Variants in FCRL2 observed in about 807,000 individuals in gnomAD.
The protein encoded by FCRL2 is Fc receptor-like protein 2.
Under a neutral mutation model 59.8 loss-of-function variants are expected in FCRL2, and 48 were observed. That is an observed-to-expected ratio of 0.80 (90% CI 0.64 to 1.02). FCRL2 has a LOEUF of 1.02. Among genes scored for constraint, FCRL2 ranks in the 50% least tolerant of loss-of-function variants. FCRL2 has a pLI of 0.00. For missense variants in FCRL2, 658 were observed against 597.3 expected, an observed-to-expected ratio of 1.10 and a Z score of -1.06; for synonymous variants, 251 against 229.5, an observed-to-expected ratio of 1.09 and a Z score of -0.85.
chr1:157,776,959 G>A (rs1571305940), intron 1 of FCRL2, 84 bp downstream of exon 1: 3 of 1,331,142 alleles, frequency 2.3e-6, no homozygotes, highest in East Asian at 2.3e-5. Context: ...CAGTCCCTGG[G>A]CTCCAATAAA....
intron 10 of FCRL2, 80 bp downstream of exon 10, chr1:157,748,473 T>TAAAC (rs1233678340): frequency 1.5e-6 from 1 of 659,962 alleles, no homozygotes; most frequent in East Asian, 3.3e-5. Context: ...AATAAATAAA[T>TAAAC]AAATAAAGCC....
At chr1:157,774,869 T>C (rs1650290407) in intron 2 of FCRL2, among the ~76,000 whole-genome samples, 1 of 152,188 alleles carries the variant, frequency 6.6e-6, no homozygotes, top group Non-Finnish European at 1.5e-5. Context: ...AAAGAGCCCC[T>C]TCCACTTGGT....
chr1:157,767,548 T>C (rs766857493), intron 5 of FCRL2, 39 bp from the exon 6 acceptor site: 1 of 1,614,272 alleles, frequency 6.2e-7, no homozygotes, highest in East Asian at 2.2e-5. Flanking sequence ...AGATTTGTGA[T>C]GCCTCAATAG....
At chr1:157,749,017 G>A (rs1647981246) in intron 8 of FCRL2, 57 bp from the exon 9 acceptor site, 13 of 1,464,338 alleles carry the variant, frequency 8.9e-6, no homozygotes, top group South Asian at 2.3e-5. Context: ...TGAGAACAGA[G>A]GGGAGACTGG....
At chr1:157,753,221 A>C (rs569245576) in intron 7 of FCRL2, among the ~76,000 whole-genome samples, 4 of 152,158 alleles carry the variant, frequency 2.6e-5, no homozygotes, top group Non-Finnish European at 5.9e-5. Flanking sequence ...ATTACAATTA[A>C]ACTCAGTCCT....
In FCRL2 at chr1:157,770,188, CA is replaced by C. The variant is rs1189899610; in HGVS notation, c.311-39del. ...ATCACAATAGTCCCCAAAGCAGTGACAGCTAAGATTCCTGCTGAAAAGCCTC... is the reference window on the plus strand; with the variant it reads ...ATCACAATAGTCCCCAAAGCAGTGACGCTAAGATTCCTGCTGAAAAGCCTC... On this transcript the variant is annotated intron_variant, in intron 3 of 11. Coordinates refer to ENST00000361516, the MANE Select transcript of FCRL2 (RefSeq NM_030764.4). 1.9e-6 allele frequency: 3 copies of C among 1,597,146 alleles called. No homozygotes were observed. In the African/African-American group the frequency reaches 4.0e-5, roughly 21 times the overall value.
At chr1:157,760,668 A>G (rs1344108995) in intron 7 of FCRL2, among the ~76,000 whole-genome samples, 1 of 139,698 alleles carries the variant, frequency 7.2e-6, no homozygotes, top group Non-Finnish European at 1.5e-5. Context: ...GGAAGGAAGG[A>G]AGGAAGGAAG....
chr1:157,762,656 TA>T (rs1649189237), intron 7 of FCRL2, among the ~76,000 whole-genome samples: 1 of 152,010 alleles, frequency 6.6e-6, no homozygotes, highest in Admixed American at 6.6e-5. Context: ...TAAAACAGTC[TA>T]AAGTCAAATA....
In FCRL2 at chr1:157,777,044, A is replaced by G. The variant is rs1650466584; in HGVS notation, c.30T>C (p.Phe10=). The change falls in exon 1 of 12, where the codon TTT becomes TTC. Residue 10 remains phenylalanine, a splice_region_variant and synonymous_variant. Coordinates refer to ENST00000361516, the MANE Select transcript of FCRL2 (RefSeq NM_030764.4). The stretch of plus-strand genomic sequence containing the variant: ...TCTCAGTCAAATTATTGAACTCACC[A>G]AAGATGACCAGCAATGACCACAGCA... MLLWSLLVI[F]DAVTEQADSL... The G allele has an allele frequency of 1.2e-6, 2 of 1,613,898 alleles. No homozygotes were observed. Among genetic ancestry groups the G allele is most frequent in the Non-Finnish European group, 8.5e-7 (1 of 1,179,876 alleles).
chr1:157,775,752 C>A (rs373763193), intron 2 of FCRL2, 23 bp downstream of exon 2: 109 of 1,613,762 alleles, frequency 6.8e-5, no homozygotes, highest in Admixed American at 2.0e-4. Context: ...AGACCAAGAA[C>A]AACAAAGACA....
At chr1:157,757,601 C>G (rs1648697657) in intron 7 of FCRL2, among the ~76,000 whole-genome samples, 1 of 152,158 alleles carries the variant, frequency 6.6e-6, no homozygotes, top group South Asian at 2.1e-4. Context: ...AGAGAAGAGG[C>G]CTCAGAATGA....
intron 5 of FCRL2, chr1:157,768,143 C>T (rs1571286433): frequency 1.0e-5 from 4 of 390,348 alleles, no homozygotes; most frequent in East Asian, 5.1e-5. Context: ...TGGCCCAGAG[C>T]CCAAAGGTTT....
At chr1:157,767,832 T>C (rs1649643798) in intron 5 of FCRL2, 1 of 717,358 alleles carries the variant, frequency 1.4e-6, no homozygotes, top group South Asian at 3.2e-5. Flanking sequence ...AATTTTAAGA[T>C]TTCTATAATA....
intron 7 of FCRL2, among the ~76,000 whole-genome samples, chr1:157,764,801 C>T (rs1649373165): frequency 6.6e-6 from 1 of 152,060 alleles, no homozygotes; most frequent in Non-Finnish European, 1.5e-5. Flanking sequence ...CATACTAAAA[C>T]CTGTGGGATA....
intron 10 of FCRL2, among the ~76,000 whole-genome samples, chr1:157,748,136 T>C (rs1411584778): frequency 6.6e-6 from 1 of 152,094 alleles, no homozygotes; most frequent in Non-Finnish European, 1.5e-5. Flanking sequence ...CCTCTATTGC[T>C]GGCTGGGTGC....
intron 7 of FCRL2, among the ~76,000 whole-genome samples, chr1:157,760,792 G>GGGAA (rs951392728): frequency 1.5e-5 from 2 of 131,850 alleles, no homozygotes; most frequent in Non-Finnish European, 3.2e-5. Context: ...GAAGGAAGGA[G>GGGAA]GGAAGGAAGG....
chr1:157,759,994 T>C (rs549378993), intron 7 of FCRL2, among the ~76,000 whole-genome samples: 1 of 152,330 alleles, frequency 6.6e-6, no homozygotes, highest in Admixed American at 6.5e-5. Flanking sequence ...CATGCATGTA[T>C]ATGTTCATTG....
intron 7 of FCRL2, among the ~76,000 whole-genome samples, chr1:157,757,745 G>A (rs779591955): frequency 1.2e-4 from 18 of 152,180 alleles, no homozygotes; most frequent in East Asian, 1.9e-4. Flanking sequence ...GGTGAATCAC[G>A]AGGTCAGGAG....
At chr1:157,751,691 A>T (rs929216262) in intron 7 of FCRL2, among the ~76,000 whole-genome samples, 3 of 152,210 alleles carry the variant, frequency 2.0e-5, no homozygotes, top group Non-Finnish European at 2.9e-5. Flanking sequence ...GGACTTCCTG[A>T]AGAGGTATAG....
Sources: allele counts gnomAD v4.1 joint callset (sites outside exome capture counted in the v4.1 genomes callset), GRCh38; gene constraint gnomAD v4.1.1; transcripts MANE v1.5; gene names NCBI Gene and HGNC (gene_info 2026-07-23, HGNC 2026-07-21).